Variants in SLC2A13 observed in about 807,000 individuals in gnomAD.
The protein encoded by SLC2A13 is proton myo-inositol cotransporter.
In SLC2A13, 32 loss-of-function variants were observed where a neutral mutation model predicts 64.4. The observed-to-expected ratio is 0.50, with a 90% CI of 0.37 to 0.67. SLC2A13 has a LOEUF of 0.67. SLC2A13 is among the 30% of genes least tolerant of loss of function. SLC2A13 has a pLI of 0.00. For synonymous variants in SLC2A13, 338 were observed against 327.1 expected (o/e 1.03, Z -0.36); for missense variants, 743 against 829.2 (o/e 0.90, Z 1.28).
chr12:39,997,436 C>A (rs1947250135), intron 3 of SLC2A13, among the ~76,000 whole-genome samples: 1 of 152,044 alleles, frequency 6.6e-6, no homozygotes, highest in Non-Finnish European at 1.5e-5. Context: ...AGAAGATCTA[C>A]AAATGGCCAA....
At chr12:39,933,534 T>C (rs1945866132) in intron 4 of SLC2A13, among the ~76,000 whole-genome samples, 1 of 152,122 alleles carries the variant, frequency 6.6e-6, no homozygotes, top group African/African-American at 2.4e-5. Flanking sequence ...CACACATAGG[T>C]CTAAATTACC....
chr12:39,932,878 G>T (rs1045996208), intron 4 of SLC2A13, among the ~76,000 whole-genome samples: 1 of 151,984 alleles, frequency 6.6e-6, no homozygotes, highest in African/African-American at 2.4e-5. Context: ...GGATAAAGGT[G>T]GGGGTGGGAT....
intron 4 of SLC2A13, among the ~76,000 whole-genome samples, chr12:39,917,050 CA>C (rs1945532343): frequency 6.6e-6 from 1 of 152,062 alleles, no homozygotes; most frequent in Non-Finnish European, 1.5e-5. Flanking sequence ...TGCTATATAT[CA>C]TTCACTATGC....
At chr12:39,975,361 G>A (rs28370728) in intron 3 of SLC2A13, among the ~76,000 whole-genome samples, 2,805 of 152,248 alleles carry the variant, frequency 0.018, 85 homozygotes, top group African/African-American at 0.064. Flanking sequence ...TTTTAACTAC[G>A]TACATTCTTT....
intron 4 of SLC2A13, among the ~76,000 whole-genome samples, chr12:39,946,068 C>A (rs1946127717): frequency 6.6e-6 from 1 of 152,184 alleles, no homozygotes; most frequent in South Asian, 2.1e-4. Flanking sequence ...GTAATACTCT[C>A]CCCCTTTTCC....
chr12:39,836,018 C>T (rs1942993795), intron 6 of SLC2A13, among the ~76,000 whole-genome samples: 1 of 152,082 alleles, frequency 6.6e-6, no homozygotes, highest in African/African-American at 2.4e-5. Flanking sequence ...AACTCACTTT[C>T]AGAAAGCAAC....
At chr12:39,963,858 C>A (rs1218338347) in intron 3 of SLC2A13, among the ~76,000 whole-genome samples, 1 of 152,100 alleles carries the variant, frequency 6.6e-6, no homozygotes, top group South Asian at 2.1e-4. Flanking sequence ...GAAAAGCTAA[C>A]CATGTATGAT....
intron 4 of SLC2A13, among the ~76,000 whole-genome samples, chr12:39,914,602 G>A (rs1945490647): frequency 6.6e-6 from 1 of 151,790 alleles, no homozygotes; most frequent in South Asian, 2.1e-4. Flanking sequence ...TTGGTGCAAA[G>A]GTAACTGTGG....
chr12:39,957,051 C>A lies in SLC2A13; in HGVS notation c.926-5686G>T, dbSNP rs566810473. Among the ~76,000 whole-genome samples, 4 of 152,284 alleles carry A rather than the reference C, an allele frequency of 2.6e-5. No homozygotes were observed. In the East Asian group the frequency reaches 7.7e-4, roughly 29 times the overall value. ...CTTTCCTGAATGCAACCAGAGGCGG[C>A]CATTCTCACACAATCACCAAGAGTA... On this transcript the variant is annotated intron_variant, in intron 3 of 9. Transcript: ENST00000280871.
chr12:39,880,621 A>G (rs1022081525), intron 4 of SLC2A13, among the ~76,000 whole-genome samples: 2 of 152,220 alleles, frequency 1.3e-5, no homozygotes, highest in Non-Finnish European at 2.9e-5. Context: ...AATAATTTTC[A>G]TAATTTAAAT....
intron 1 of SLC2A13, among the ~76,000 whole-genome samples, chr12:40,056,833 A>G (rs988891531): frequency 6.6e-6 from 1 of 152,152 alleles, no homozygotes; most frequent in Non-Finnish European, 1.5e-5. Flanking sequence ...TAATAAATGA[A>G]CACAGTCTCC....
intron 1 of SLC2A13, chr12:40,068,404 A>T (rs1438552394): frequency 6.4e-6 from 2 of 310,886 alleles, no homozygotes; most frequent in Non-Finnish European, 1.2e-5. Flanking sequence ...AACATGGTGT[A>T]GTACTCTATT....
At chr12:39,824,931 G>T (rs1293983490) in intron 7 of SLC2A13, among the ~76,000 whole-genome samples, 1 of 152,098 alleles carries the variant, frequency 6.6e-6, no homozygotes, top group Non-Finnish European at 1.5e-5. Flanking sequence ...ATAGAGACAG[G>T]AAATTATAAT....
chr12:40,025,245 A>G (rs1947784380), intron 3 of SLC2A13, among the ~76,000 whole-genome samples: 1 of 152,362 alleles, frequency 6.6e-6, no homozygotes, highest in East Asian at 1.9e-4. Flanking sequence ...TGCTGCTGAC[A>G]TGGCCAGAGC....
At chr12:39,768,292 C>G (rs1940434598) in intron 7 of SLC2A13, among the ~76,000 whole-genome samples, 1 of 152,186 alleles carries the variant, frequency 6.6e-6, no homozygotes, top group Non-Finnish European at 1.5e-5. Flanking sequence ...TCTATCCAGA[C>G]CACTCAAACT....
intron 3 of SLC2A13, among the ~76,000 whole-genome samples, chr12:39,968,397 G>C (rs535151863): frequency 6.6e-6 from 1 of 152,168 alleles, no homozygotes; most frequent in South Asian, 2.1e-4. Context: ...TGGGGATTAT[G>C]GGAACTACAA....
chr12:39,775,436 T>A (rs1010940973), intron 7 of SLC2A13, among the ~76,000 whole-genome samples: 1 of 152,234 alleles, frequency 6.6e-6, no homozygotes, highest in South Asian at 2.1e-4. Context: ...CCTGAAGTTC[T>A]CTGGTCATTG....
At chr12:39,807,085 ATTG>A (rs1243555120) in intron 7 of SLC2A13, among the ~76,000 whole-genome samples, 1,794 of 152,206 alleles carry the variant, frequency 0.012, 36 homozygotes, top group African/African-American at 0.04. Flanking sequence ...ACTGAAAGTA[ATTG>A]CAACACATTA....
chr12:39,970,300 T>C (rs7962710), intron 3 of SLC2A13, among the ~76,000 whole-genome samples: 71,845 of 151,960 alleles, frequency 0.47, 17,879 homozygotes, highest in East Asian at 0.68. Context: ...TTTGGTTCCA[T>C]ATGAACTTTA....
Sources: allele counts gnomAD v4.1 joint callset (sites outside exome capture counted in the v4.1 genomes callset), GRCh38; gene constraint gnomAD v4.1.1; transcripts MANE v1.5; gene names NCBI Gene and HGNC (gene_info 2026-07-23, HGNC 2026-07-21).